GMDS: variants seen among roughly 807,000 people sequenced by gnomAD.
GMDS encodes GDP-mannose 4,6-dehydratase.
Under a neutral mutation model 49.9 loss-of-function variants are expected in GMDS, and 20 were observed. The observed-to-expected ratio is 0.40, with a 90% confidence interval of 0.28 to 0.58. The LOEUF is 0.58. GMDS is among the 20% of genes least tolerant of loss of function. GMDS has a pLI of 0.42. For missense variants in GMDS, 362 were observed against 481.4 expected (o/e 0.75, Z 2.32); for synonymous variants, 177 against 178.6 (o/e 0.99, Z 0.07).
At chr6:1,888,134 A>T (rs868427929) in intron 7 of GMDS, among the ~76,000 whole-genome samples, 308 of 140,522 alleles carry the variant, frequency 2.2e-3, no homozygotes, top group African/African-American at 3.9e-3. Flanking sequence ...TATTATTATT[A>T]TTTTTTTTTT....
rs900298187 is a variant in GMDS at position 1,635,968 on chromosome 6, G to A, written c.988-11428C>T. 5.9e-5 allele frequency among the ~76,000 whole-genome samples: 9 copies of A among 152,114 alleles called. No individual in the cohort carries two copies. The highest frequency in any genetic ancestry group is 1.9e-4 in the African/African-American group (8 of 41,414). ...TTTCCTCACAAGGCACTTTTCCTAC[G>A]TCGCATTTCCAGAGTAACCTGCCAC... On this transcript the variant is annotated intron_variant, in intron 9 of 10. Coordinates refer to ENST00000380815, the MANE Select transcript of GMDS (RefSeq NM_001500.4). The surrounding 1 kb of genome is among the most constrained non-coding windows in gnomAD (Gnocchi z 4.7).
intron 4 of GMDS, among the ~76,000 whole-genome samples, chr6:2,059,905 C>T (rs960994479): frequency 2.0e-5 from 3 of 151,802 alleles, no homozygotes; most frequent in African/African-American, 7.3e-5. Context: ...AGGACTGCCC[C>T]ATTCTCAACA....
intron 1 of GMDS, among the ~76,000 whole-genome samples, chr6:2,219,469 T>C (rs1474571912): frequency 6.6e-6 from 1 of 152,200 alleles, no homozygotes; most frequent in Non-Finnish European, 1.5e-5. Flanking sequence ...CTTCTCAAAC[T>C]GTCTGCAGTA....
intron 7 of GMDS, among the ~76,000 whole-genome samples, chr6:1,745,372 TG>T (rs1767446371): frequency 1.9e-5 from 1 of 53,790 alleles, no homozygotes; most frequent in South Asian, 6.7e-4. Context: ...GTGGGTCACT[TG>T]GAGAAACTTG....
intron 4 of GMDS, among the ~76,000 whole-genome samples, chr6:2,107,398 T>C (rs979869547): frequency 2.0e-5 from 3 of 152,192 alleles, no homozygotes. Flanking sequence ...CACTCCTGCC[T>C]ACCCTGATGA....
chr6:1,689,326 G>C (rs1338814098), intron 9 of GMDS, among the ~76,000 whole-genome samples: 2 of 152,136 alleles, frequency 1.3e-5, no homozygotes, highest in African/African-American at 4.8e-5. Flanking sequence ...TTACCCAAGT[G>C]TAGGCCTACC....
chr6:2,236,592 G>C (rs1010887839), intron 1 of GMDS, among the ~76,000 whole-genome samples: 1 of 152,118 alleles, frequency 6.6e-6, no homozygotes, highest in Non-Finnish European at 1.5e-5. Flanking sequence ...ACTAGTGTCT[G>C]CATATACTTG....
At chr6:1,658,555 A>G (rs1367261120) in intron 9 of GMDS, among the ~76,000 whole-genome samples, 1 of 152,274 alleles carries the variant, frequency 6.6e-6, no homozygotes, top group East Asian at 1.9e-4. Flanking sequence ...AGTTGAATGA[A>G]AAGAAACATC....
intron 9 of GMDS, among the ~76,000 whole-genome samples, chr6:1,702,426 C>T (rs1765575107): frequency 6.6e-6 from 1 of 152,246 alleles, no homozygotes; most frequent in African/African-American, 2.4e-5. Flanking sequence ...GCTTGATGTG[C>T]AGAACCCTTT....
chr6:1,828,628 G>A (rs1159419184), intron 7 of GMDS, among the ~76,000 whole-genome samples: 1 of 152,170 alleles, frequency 6.6e-6, no homozygotes, highest in Non-Finnish European at 1.5e-5. Context: ...AGAAGGCCCA[G>A]TGGCTGATAT....
At chr6:1,877,644 T>TAAAAAAAAAAAAAAAAAAAA (rs60037634) in intron 7 of GMDS, among the ~76,000 whole-genome samples, 1 of 90,516 alleles carries the variant, frequency 1.1e-5, no homozygotes, top group Non-Finnish European at 2.1e-5. Context: ...TCTCAAAAAT[T>TAAAAAAAAAAAAAAAAAAAA]AAAAAAAAAA....
chr6:1,933,433 A>G (rs751674885), intron 6 of GMDS, among the ~76,000 whole-genome samples: 8 of 152,336 alleles, frequency 5.3e-5, no homozygotes, highest in East Asian at 3.9e-4. Context: ...TGTTTTACCA[A>G]TTGAGGAACT....
At chr6:1,806,282 A>G (rs1217922834) in intron 7 of GMDS, among the ~76,000 whole-genome samples, 3 of 152,202 alleles carry the variant, frequency 2.0e-5, no homozygotes, top group East Asian at 3.8e-4. Context: ...ACTGAATACT[A>G]CTAAAGGTTC....
At chr6:1,838,246 C>T (rs1212038236) in intron 7 of GMDS, among the ~76,000 whole-genome samples, 1 of 152,202 alleles carries the variant, frequency 6.6e-6, no homozygotes, top group Non-Finnish European at 1.5e-5. Context: ...TTTCCCTTTA[C>T]AACTAAGTGA....
intron 7 of GMDS, among the ~76,000 whole-genome samples, chr6:1,765,737 G>C (rs1474318341): frequency 2.6e-5 from 4 of 152,146 alleles, no homozygotes; most frequent in Non-Finnish European, 4.4e-5. Flanking sequence ...GTTTTGATAA[G>C]CAGTTCCATG....
chr6:2,209,469 C>T (rs1310626469), intron 1 of GMDS, among the ~76,000 whole-genome samples: 2 of 152,146 alleles, frequency 1.3e-5, no homozygotes, highest in Non-Finnish European at 2.9e-5. Flanking sequence ...GCCAAGATGC[C>T]TTGACCACAG....
chr6:2,165,123 A>C (rs1777599157), intron 1 of GMDS, among the ~76,000 whole-genome samples: 1 of 152,238 alleles, frequency 6.6e-6, no homozygotes, highest in Non-Finnish European at 1.5e-5. Context: ...TAGAAACCCC[A>C]GAATCACATT....
At chr6:2,004,158 T>C (rs1343262509) in intron 4 of GMDS, among the ~76,000 whole-genome samples, 5 of 152,242 alleles carry the variant, frequency 3.3e-5, no homozygotes, top group Non-Finnish European at 7.3e-5. Flanking sequence ...TAGAGTATGT[T>C]CATTGCCAAA....
intron 7 of GMDS, among the ~76,000 whole-genome samples, chr6:1,849,522 A>G (rs1174749206): frequency 6.6e-6 from 1 of 152,218 alleles, no homozygotes; most frequent in Non-Finnish European, 1.5e-5. Flanking sequence ...CAGACCCAGG[A>G]AAGTTTGCTG....
Sources: gnomAD v4.1 joint callset for allele counts (sites outside exome capture counted in the v4.1 genomes callset) on GRCh38, gnomAD v4.1.1 for gene constraint, Gnocchi (gnomAD v3.1) non-coding constraint, MANE v1.5 for transcripts, NCBI Gene and HGNC (gene_info 2026-07-23, HGNC 2026-07-21) for gene names.